NXPH2: variants seen among roughly 807,000 people sequenced by gnomAD.
NXPH2 encodes the protein neurexophilin-2.
A neutral mutation model predicts 19.8 loss-of-function variants in NXPH2; 5 were observed. The observed-to-expected ratio is 0.25, with a 90% confidence interval of 0.13 to 0.53. The LOEUF (loss-of-function observed/expected upper bound fraction) is 0.53. Among genes scored for constraint, NXPH2 ranks in the 20% least tolerant of loss-of-function variants. The probability of loss-of-function intolerance (pLI) is 0.96; values close to 1 mark genes in which losing one functional copy is unlikely to be tolerated. For synonymous variants in NXPH2, 154 were observed against 127.4 expected, an observed-to-expected ratio of 1.21 and a Z score of -1.41; for missense variants, 289 against 322.8, an observed-to-expected ratio of 0.90 and a Z score of 0.80.
Position 138,780,175 on chromosome 2 carries a change from C to T in NXPH2, c.51+16G>A, listed in dbSNP as rs772902376. 4.0e-6 allele frequency: 6 copies of T among 1,485,836 alleles called. No individual in the cohort carries two copies. The South Asian group carries it at 7.6e-5, about 19-fold the overall frequency. The allele number at this position is 1,485,836 out of a possible 1,614,324, so 92.0% of individuals were successfully genotyped here. ...CGTCCCCGGCGTGTGGGACGGCGCGCGGGCCGGGCACTCACCAGCTGCAGC... is the reference window on the plus strand; with the variant it reads ...CGTCCCCGGCGTGTGGGACGGCGCGTGGGCCGGGCACTCACCAGCTGCAGC... On this transcript the variant is annotated intron_variant, in intron 1 of 1. Transcript: ENST00000272641.
chr2:138,728,034 T>C (rs1386486798), intron 1 of NXPH2, among the ~76,000 whole-genome samples: 2 of 152,212 alleles, frequency 1.3e-5, no homozygotes, highest in African/African-American at 2.4e-5. Context: ...CTACACTGTG[T>C]TCCCTCCAAA....
At chr2:138,689,594 T>A (rs1175151395) in intron 1 of NXPH2, among the ~76,000 whole-genome samples, 6 of 152,190 alleles carry the variant, frequency 3.9e-5, no homozygotes, top group Admixed American at 1.3e-4. Flanking sequence ...TATAGGGAAA[T>A]CTGATTATTT....
At chr2:138,717,854 T>C (rs1234555465) in intron 1 of NXPH2, among the ~76,000 whole-genome samples, 1 of 152,134 alleles carries the variant, frequency 6.6e-6, no homozygotes, top group African/African-American at 2.4e-5. Context: ...GCAATTGTAC[T>C]GCAAAACAAG....
intron 1 of NXPH2, among the ~76,000 whole-genome samples, chr2:138,704,265 T>C (rs1248958987): frequency 6.6e-6 from 1 of 152,188 alleles, no homozygotes; most frequent in Admixed American, 6.6e-5. Context: ...TGAAACAAGT[T>C]CTATGGAAGG....
intron 1 of NXPH2, among the ~76,000 whole-genome samples, chr2:138,766,250 A>G (rs1361368729): frequency 6.6e-6 from 1 of 152,208 alleles, no homozygotes; most frequent in African/African-American, 2.4e-5. Context: ...AACTAGATCT[A>G]AGCAAAATGC....
intron 1 of NXPH2, among the ~76,000 whole-genome samples, chr2:138,748,970 C>A (rs1425356983): frequency 6.6e-6 from 1 of 152,154 alleles, no homozygotes; most frequent in Non-Finnish European, 1.5e-5. Context: ...GACATAATTT[C>A]TTATGACTTT....
intron 1 of NXPH2, among the ~76,000 whole-genome samples, chr2:138,713,843 C>A (rs1014646560): frequency 2.0e-5 from 3 of 152,000 alleles, no homozygotes. Flanking sequence ...CTATTTTCAG[C>A]GTAAATTACT....
rs754966848 is a variant in NXPH2 at position 138,669,387 on chromosome 2, A to G, written c.*1535T>C. Among the ~76,000 whole-genome samples, 5 of 152,184 alleles carry G rather than the reference A, an allele frequency of 3.3e-5. No homozygotes were observed. The highest frequency in any genetic ancestry group is 7.4e-5 in the Non-Finnish European group (5 of 68,008). On this transcript the variant is annotated 3_prime_UTR_variant, in exon 2 of 2. Transcript: ENST00000272641. ...GTGGTGAACTCAGAGCAAGAACTTC[A>G]AGCCTGTACTACCACACACTAAGCT...
At chr2:138,718,287 TAA>T (rs1179224657) in intron 1 of NXPH2, among the ~76,000 whole-genome samples, 3 of 151,944 alleles carry the variant, frequency 2.0e-5, no homozygotes, top group Admixed American at 2.0e-4. Context: ...AAAAAATTTC[TAA>T]GAGAGAGAAA....
chr2:138,742,586 T>C (rs1411664344), intron 1 of NXPH2, among the ~76,000 whole-genome samples: 2 of 152,082 alleles, frequency 1.3e-5, no homozygotes, highest in Non-Finnish European at 2.9e-5. Flanking sequence ...GTAGATCCCA[T>C]GATGTATGAA....
At chr2:138,768,690 G>A (rs114265681) in intron 1 of NXPH2, among the ~76,000 whole-genome samples, 3,767 of 152,270 alleles carry the variant, frequency 0.025, 65 homozygotes, top group Middle Eastern at 0.068. Context: ...CTCTGCTTAA[G>A]TTAGTCAGAA....
chr2:138,679,311 G>A (rs1016095863), intron 1 of NXPH2, among the ~76,000 whole-genome samples: 1 of 152,140 alleles, frequency 6.6e-6, no homozygotes, highest in Non-Finnish European at 1.5e-5. Context: ...TGCTGTCCTA[G>A]GCCAGTGTTT....
In NXPH2 at chr2:138,697,764, GATAA is replaced by G. The variant is rs1485625941; in HGVS notation, c.52-26103_52-26100del. Among the ~76,000 whole-genome samples, 10 of 151,442 alleles carry G rather than the reference GATAA, an allele frequency of 6.6e-5. 1 individual carries two copies. Among genetic ancestry groups the G allele is most frequent in the East Asian group, 3.9e-4 (2 of 5,146 alleles). On this transcript the variant is annotated intron_variant, in intron 1 of 1. Coordinates refer to ENST00000272641, the MANE Select transcript of NXPH2 (RefSeq NM_007226.3). ...ACAAAATAAAAATAATAAACTAATA[GATAA>G]ATAATCACCAGAGAAAATATAAATG...
intron 1 of NXPH2, among the ~76,000 whole-genome samples, chr2:138,680,263 G>A (rs1344132244): frequency 6.6e-6 from 1 of 152,192 alleles, no homozygotes; most frequent in Non-Finnish European, 1.5e-5. Flanking sequence ...AGATATGGTT[G>A]CACTTCAAAG....
intron 1 of NXPH2, among the ~76,000 whole-genome samples, chr2:138,683,963 A>T (rs1373608353): frequency 6.6e-6 from 1 of 152,206 alleles, no homozygotes; most frequent in Non-Finnish European, 1.5e-5. Context: ...ATATGTTTTT[A>T]AGTTCAGTGA....
intron 1 of NXPH2, among the ~76,000 whole-genome samples, chr2:138,705,295 C>A (rs904955316): frequency 6.6e-6 from 1 of 152,062 alleles, no homozygotes; most frequent in Non-Finnish European, 1.5e-5. Context: ...CATTAAGATC[C>A]TTTTTTTCCT....
At position 138,671,128 on chromosome 2, in the gene NXPH2, C is replaced by T. The variant is rs1234288255; in HGVS notation, c.589G>A (p.Ala197Thr). ...CRIEYEKTDR[A>T]KKTALCNFDP... ...AAGTTGCACAGGGCGGTCTTTTTCGCCCGATCTGTTTTTTCATACTCAATG... is the reference window on the plus strand; with the variant it reads ...AAGTTGCACAGGGCGGTCTTTTTCGTCCGATCTGTTTTTTCATACTCAATG... The change falls in exon 2 of 2, where the codon GCG (alanine) becomes ACG (threonine). Residue 197 changes from alanine to threonine, a missense_variant. Coordinates refer to ENST00000272641, the MANE Select transcript of NXPH2 (RefSeq NM_007226.3). 1.9e-6 allele frequency: 3 copies of T among 1,613,768 alleles called. No individual in the cohort carries two copies. Among genetic ancestry groups the T allele is most frequent in the Non-Finnish European group, 2.5e-6 (3 of 1,179,862 alleles).
chr2:138,675,090 T>C (rs1680466444), intron 1 of NXPH2, among the ~76,000 whole-genome samples: 1 of 152,208 alleles, frequency 6.6e-6, no homozygotes, highest in Non-Finnish European at 1.5e-5. Flanking sequence ...ATTCTTACCT[T>C]TATATATCAT....
chr2:138,712,331 G>T (rs1346469086), intron 1 of NXPH2, among the ~76,000 whole-genome samples: 1 of 152,172 alleles, frequency 6.6e-6, no homozygotes, highest in Admixed American at 6.5e-5. Flanking sequence ...AAACCAAACT[G>T]CTGGCTTGAT....
Sources: allele counts gnomAD v4.1 joint callset (sites outside exome capture counted in the v4.1 genomes callset), GRCh38; gene constraint gnomAD v4.1.1; transcripts MANE v1.5; gene names NCBI Gene and HGNC (gene_info 2026-07-23, HGNC 2026-07-21).